Variants in RAP1GAP2 observed in about 807,000 individuals in gnomAD.
The protein encoded by RAP1GAP2 is RAP1 GTPase activating protein 2, also known as rap1 GTPase-activating protein 2.
RAP1GAP2 carries 27 observed loss-of-function variants against 95.0 expected under a neutral mutation model. The observed-to-expected ratio is 0.28, with a 90% CI of 0.21 to 0.39. The LOEUF (loss-of-function observed/expected upper bound fraction) is 0.39, where lower values mean the gene tolerates loss of function less well. Among genes scored for constraint, RAP1GAP2 ranks in the 10% least tolerant of loss-of-function variants. The pLI is 1.00. For missense variants in RAP1GAP2, 771 were observed against 970.0 expected, an observed-to-expected ratio of 0.79 and a Z score of 2.72; for synonymous variants, 373 against 380.9, an observed-to-expected ratio of 0.98 and a Z score of 0.24.
At chr17:2,760,073 G>T (rs1487964992) in intron 1 of RAP1GAP2, among the ~76,000 whole-genome samples, 1 of 151,822 alleles carries the variant, frequency 6.6e-6, no homozygotes, top group Non-Finnish European at 1.5e-5. Flanking sequence ...CAATCTCACT[G>T]ATGAAAAATG....
intron 9 of RAP1GAP2, among the ~76,000 whole-genome samples, chr17:2,980,963 C>T (rs144091026): frequency 3.7e-4 from 57 of 152,256 alleles, no homozygotes; most frequent in Non-Finnish European, 6.8e-4. Context: ...CAGGCCAGAA[C>T]GGTGACGAGC....
At chr17:2,987,621 A>G (rs2045601701) in intron 11 of RAP1GAP2, among the ~76,000 whole-genome samples, 1 of 152,306 alleles carries the variant, frequency 6.6e-6, no homozygotes, top group East Asian at 1.9e-4. Flanking sequence ...TTGGCCTCCC[A>G]AAGTGCTGGT....
At position 2,889,887 on chromosome 17, in the gene RAP1GAP2, A is replaced by T. The variant is rs1331084771; in HGVS notation, c.81-15397A>T. Among the ~76,000 whole-genome samples, 297 of 38,692 alleles carry T rather than the reference A, an allele frequency of 7.7e-3. 2 individuals carry two copies. The highest frequency in any genetic ancestry group is 0.023 in the African/African-American group (240 of 10,584). 25.4% of individuals were successfully genotyped at this position (38,692 alleles called of 152,430 possible). ...TGTATATATATATATATATATATAT[A>T]TATTTTTTTTTTTTTTTGTAGAGAT... On this transcript the variant is annotated intron_variant, in intron 2 of 24. Transcript: ENST00000254695.
chr17:2,981,247 A>C lies in RAP1GAP2; in HGVS notation c.728A>C (p.Lys243Thr). 3 of 1,609,828 alleles carry C rather than the reference A, an allele frequency of 1.9e-6. No individual in the cohort carries two copies. The highest frequency in any genetic ancestry group is 2.5e-6 in the Non-Finnish European group (3 of 1,177,656). Reference sequence around the variant, plus strand: ...AGATTCAATCCTGTCCTGTACCCCAAGGTAAGGACCTTCATGCTCCCAACA... The same window carrying C: ...AGATTCAATCCTGTCCTGTACCCCACGGTAAGGACCTTCATGCTCCCAACA... ...GLRFNPVLYP[K>T]ASQMIVSYDE... is the part of the protein sequence containing the mutation. The change falls in exon 10 of 25, where the codon AAG (lysine) becomes ACG (threonine). Residue 243 changes from lysine to threonine, a missense_variant and splice_region_variant. Physicochemically the swap from Lys to Thr is moderately conservative, Grantham distance 78. Coordinates refer to ENST00000254695, the MANE Select transcript of RAP1GAP2 (RefSeq NM_015085.5).
intron 1 of RAP1GAP2, among the ~76,000 whole-genome samples, chr17:2,777,458 C>A (rs541421202): frequency 6.6e-6 from 1 of 152,098 alleles, no homozygotes; most frequent in South Asian, 2.1e-4. Context: ...TCTTTGGGAG[C>A]GGGGCCCGAT....
chr17:2,875,876 G>T (rs774237444), intron 2 of RAP1GAP2, among the ~76,000 whole-genome samples: 1 of 151,348 alleles, frequency 6.6e-6, no homozygotes, highest in East Asian at 2.0e-4. Flanking sequence ...TTCTTGCCCC[G>T]CCAAAGTCAT....
chr17:3,025,675 C>A (rs370331030), intron 19 of RAP1GAP2, among the ~76,000 whole-genome samples: 6 of 152,288 alleles, frequency 3.9e-5, no homozygotes, highest in African/African-American at 1.4e-4. Flanking sequence ...CCCACGGGGC[C>A]CTCTCTTGAC....
intron 18 of RAP1GAP2, among the ~76,000 whole-genome samples, chr17:3,019,806 G>C (rs988761768): frequency 1.3e-5 from 2 of 152,220 alleles, no homozygotes; most frequent in African/African-American, 4.8e-5. Context: ...GGCAGGAGCT[G>C]GGGCCTGAGT....
At chr17:2,766,111 C>T (rs1026620026) in intron 1 of RAP1GAP2, among the ~76,000 whole-genome samples, 1 of 152,186 alleles carries the variant, frequency 6.6e-6, no homozygotes, top group African/African-American at 2.4e-5. Flanking sequence ...TGTGGTTGGG[C>T]GGCCATGGGG....
chr17:2,943,619 C>T (rs879808923), intron 3 of RAP1GAP2, among the ~76,000 whole-genome samples: 4 of 151,852 alleles, frequency 2.6e-5, no homozygotes, highest in African/African-American at 4.8e-5. Context: ...GAGCTGAGAT[C>T]GTACCAGTGC....
intron 14 of RAP1GAP2, among the ~76,000 whole-genome samples, 191 bp downstream of exon 14, chr17:2,998,567 G>T (rs766754787): frequency 6.6e-6 from 1 of 152,218 alleles, no homozygotes; most frequent in Admixed American, 6.5e-5. Flanking sequence ...TGCTGCCTCC[G>T]GGCTCAATGG....
intron 2 of RAP1GAP2, among the ~76,000 whole-genome samples, chr17:2,880,383 G>C (rs2073241795): frequency 6.6e-6 from 1 of 152,010 alleles, no homozygotes; most frequent in East Asian, 1.9e-4. Context: ...TTGGGTTTGA[G>C]CCACATGGTC....
At chr17:2,984,637 T>C (rs895782641) in intron 10 of RAP1GAP2, among the ~76,000 whole-genome samples, 6 of 152,162 alleles carry the variant, frequency 3.9e-5, no homozygotes, top group African/African-American at 1.4e-4. Context: ...TGACCAGTTT[T>C]GGGGTTTTGG....
chr17:3,026,939 C>T lies in RAP1GAP2; in HGVS notation c.1981-5C>T, dbSNP rs375242858. On this transcript the variant is annotated splice_region_variant and splice_polypyrimidine_tract_variant and intron_variant, in intron 21 of 24. Transcript: ENST00000254695. Reference sequence around the variant, plus strand: ...TGGCCTCGCTCACCCTGCCTCTCTCCTCAGGGCAGCCAGCCGTCCACGACC... The same window carrying T: ...TGGCCTCGCTCACCCTGCCTCTCTCTTCAGGGCAGCCAGCCGTCCACGACC... 27 of 1,550,806 alleles carry T rather than the reference C, an allele frequency of 1.7e-5. No homozygotes were observed. The African/African-American group carries it at 3.1e-4, about 18-fold the overall frequency.
Position 2,963,383 on chromosome 17 carries a change from C to T in RAP1GAP2, c.247-47C>T, listed in dbSNP as rs757695602. On this transcript the variant is annotated intron_variant, in intron 5 of 24. Transcript: ENST00000254695. This position sits in a 1 kb window ranked among gnomAD's most constrained non-coding sequence, Gnocchi z 4.8. ...ACCTGGAAACAGTGGTCAGACTTTA[C>T]GGGCACTGCCGGGACTAACGGTGGC... The T allele has an allele frequency of 3.0e-5, 48 of 1,611,958 alleles. No individual in the cohort carries two copies. The highest frequency in any genetic ancestry group is 3.7e-5 in the Non-Finnish European group (44 of 1,178,340).
At chr17:2,883,380 GCCTTTGCGGTTC>G (rs1258402866) in intron 2 of RAP1GAP2, among the ~76,000 whole-genome samples, 1 of 152,190 alleles carries the variant, frequency 6.6e-6, no homozygotes, top group Non-Finnish European at 1.5e-5. Context: ...GCCTCGCCCA[GCCTTTGCGGTTC>G]CCTTTCCTCT....
In RAP1GAP2 at chr17:2,825,953, A is replaced by ATT. The variant is rs67968065; in HGVS notation, c.80+25410_80+25411dup. ...CTAGGAAGAGAAGGTTGCAGGGGGC[A>ATT]TTTTTTTTCTTTTTTCTTTCTTTCT... On this transcript the variant is annotated intron_variant, in intron 2 of 24. Transcript: ENST00000254695. The surrounding 1 kb of genome is among the most constrained non-coding windows in gnomAD (Gnocchi z 4.1). Among the ~76,000 whole-genome samples the ATT allele has an allele frequency of 1.4e-5, 2 of 147,308 alleles. No homozygotes were observed. The highest frequency in any genetic ancestry group is 3.0e-5 in the Non-Finnish European group (2 of 67,220).
chr17:2,956,453 C>T (rs970491730), intron 3 of RAP1GAP2, among the ~76,000 whole-genome samples: 9 of 152,192 alleles, frequency 5.9e-5, no homozygotes, highest in African/African-American at 1.7e-4. Context: ...GTGGGAGCTC[C>T]AGGCAGTTCT....
intron 2 of RAP1GAP2, among the ~76,000 whole-genome samples, chr17:2,876,638 A>G (rs2073108986): frequency 6.6e-6 from 1 of 152,150 alleles, no homozygotes. Flanking sequence ...TTTCCGAGAG[A>G]TGAGATAGCA....
Sources: gnomAD v4.1 joint callset for allele counts (sites outside exome capture counted in the v4.1 genomes callset) on GRCh38, gnomAD v4.1.1 for gene constraint, Gnocchi (gnomAD v3.1) non-coding constraint, MANE v1.5 for transcripts, NCBI Gene and HGNC (gene_info 2026-07-23, HGNC 2026-07-21) for gene names.